PLCB4: variants seen among roughly 807,000 people sequenced by gnomAD.
PLCB4 encodes the protein phospholipase C beta 4.
PLCB4 carries 77 observed loss-of-function variants against 178.8 expected under a neutral mutation model. The observed-to-expected ratio is 0.43, with a 90% CI of 0.36 to 0.52. The LOEUF (loss-of-function observed/expected upper bound fraction) is 0.52, where lower values mean the gene tolerates loss of function less well. Ranked by LOEUF, PLCB4 falls within the 20% of genes least tolerant of loss-of-function variation. The probability of loss-of-function intolerance (pLI) is 0.00; values close to 1 mark genes in which losing one functional copy is unlikely to be tolerated. For missense variants in PLCB4, 1,024 were observed against 1,453.4 expected, an observed-to-expected ratio of 0.70 and a Z score of 4.80; for synonymous variants, 496 against 490.8, an observed-to-expected ratio of 1.01 and a Z score of -0.14.
chr20:9,270,612 T>TA (rs762025605), intron 3 of PLCB4, among the ~76,000 whole-genome samples: 2 of 152,116 alleles, frequency 1.3e-5, no homozygotes, highest in Non-Finnish European at 2.9e-5. Flanking sequence ...CATATATTTT[T>TA]AAAAAATAAC....
At chr20:9,148,535 C>T (rs780085286) in intron 2 of PLCB4, among the ~76,000 whole-genome samples, 27 of 151,974 alleles carry the variant, frequency 1.8e-4, no homozygotes, top group Non-Finnish European at 1.5e-4. Flanking sequence ...TCTCTTCCCT[C>T]GCCCCAAGAA....
chr20:9,280,949 CAAA>C (rs76377634), intron 3 of PLCB4, among the ~76,000 whole-genome samples: 8 of 82,992 alleles, frequency 9.6e-5, no homozygotes, highest in Admixed American at 2.6e-4. Context: ...ACATCTGCTA[CAAA>C]AAAAAAAAAA....
chr20:9,444,072 C>A (rs2042263664), intron 31 of PLCB4, 42 bp downstream of exon 31: 1 of 1,454,110 alleles, frequency 6.9e-7, no homozygotes, highest in Non-Finnish European at 9.6e-7. Flanking sequence ...TTGTATTACA[C>A]ATATTGGTGA....
chr20:9,445,750 C>T (rs560980914), intron 32 of PLCB4, among the ~76,000 whole-genome samples: 3 of 152,268 alleles, frequency 2.0e-5, no homozygotes, highest in Admixed American at 6.5e-5. Context: ...AAAGTAGGGG[C>T]TTCAATGTTG....
intron 3 of PLCB4, among the ~76,000 whole-genome samples, chr20:9,240,793 G>A (rs1569002709): frequency 6.6e-6 from 1 of 152,044 alleles, no homozygotes; most frequent in Non-Finnish European, 1.5e-5. Context: ...TTGATTGGGG[G>A]GTTGGGAGGA....
chr20:9,251,592 G>C (rs540646874), intron 3 of PLCB4, among the ~76,000 whole-genome samples: 13 of 152,252 alleles, frequency 8.5e-5, no homozygotes, highest in Admixed American at 6.5e-4. Flanking sequence ...TTAATTTCAG[G>C]ATGGAAAGAG....
chr20:9,454,603 C>T (rs1393790084), intron 33 of PLCB4, among the ~76,000 whole-genome samples: 4 of 152,094 alleles, frequency 2.6e-5, no homozygotes, highest in Non-Finnish European at 5.9e-5. Flanking sequence ...TTAACAGTCA[C>T]CCAAGATATA....
In PLCB4 at chr20:9,179,598, C is replaced by T. The variant is rs150903817; in HGVS notation, c.-78-37792C>T. 6.1e-3 allele frequency among the ~76,000 whole-genome samples: 927 copies of T among 152,198 alleles called. 7 individuals are homozygous for T. The highest frequency in any genetic ancestry group is 0.021 in the African/African-American group (879 of 41,534). On this transcript the variant is annotated intron_variant, in intron 2 of 39. Transcript: ENST00000378473. ...ATTTTATTACAGGAGCAATAGAAAA[C>T]GAATACAGCAGATTTACCCAGGTTT...
In PLCB4 at chr20:9,307,893, G is replaced by C; in HGVS notation, c.79G>C (p.Glu27Gln). 1 of 1,399,014 alleles carries C rather than the reference G, an allele frequency of 7.1e-7. No individual in the cohort carries two copies. Among genetic ancestry groups the C allele is most frequent in the East Asian group, 2.3e-5 (1 of 43,694 alleles). The allele number at this position is 1,399,014 out of a possible 1,614,324, so 86.7% of individuals were successfully genotyped here. Residue 27 changes from glutamate (E) to glutamine (Q), a missense_variant, in exon 4 of 40, where the codon GAG (glutamate) becomes CAG (glutamine). By Grantham distance (29) the Glu-to-Gln change is conservative (BLOSUM62 2). Around this residue, in one of 7 missense-constraint regions of PLCB4, gnomAD observed 225 missense variants for 291.0 expected, o/e 0.77. Transcript: ENST00000378473. ...AGAAGGAGCAGTTTTTGACAGATAC[G>C]AGGAGGTAAAGAAGTGTTATTAATC... ...LQEGAVFDRY[E>Q]EESFVFEPNC... is the part of the protein sequence containing the mutation.
chr20:9,333,509 A>G (rs1002693525), intron 4 of PLCB4, among the ~76,000 whole-genome samples: 3 of 152,292 alleles, frequency 2.0e-5, no homozygotes, highest in African/African-American at 2.4e-5. Context: ...AGAAGGAAGA[A>G]CAGAGAGTGG....
intron 28 of PLCB4, among the ~76,000 whole-genome samples, chr20:9,433,918 A>G (rs1001778683): frequency 1.3e-5 from 2 of 152,176 alleles, no homozygotes; most frequent in Non-Finnish European, 2.9e-5. Flanking sequence ...GTGGAGTGCA[A>G]TTTGGCAATA....
chr20:9,165,157 A>G (rs1396244999), intron 2 of PLCB4, among the ~76,000 whole-genome samples: 1 of 152,202 alleles, frequency 6.6e-6, no homozygotes, highest in Non-Finnish European at 1.5e-5. Flanking sequence ...CGCTATAGCA[A>G]CTGCCAAGGT....
intron 2 of PLCB4, among the ~76,000 whole-genome samples, chr20:9,110,807 G>A (rs913530466): frequency 4.6e-5 from 7 of 152,014 alleles, no homozygotes; most frequent in African/African-American, 7.2e-5. Flanking sequence ...TTTAGGCATC[G>A]TAAAATACTG....
At chr20:9,229,512 C>T (rs774888247) in intron 3 of PLCB4, among the ~76,000 whole-genome samples, 3 of 151,954 alleles carry the variant, frequency 2.0e-5, no homozygotes, top group Non-Finnish European at 4.4e-5. Context: ...GTGCATGCTG[C>T]AGGGAGAAAT....
intron 3 of PLCB4, among the ~76,000 whole-genome samples, chr20:9,266,050 T>A (rs576138054): frequency 6.6e-6 from 1 of 152,336 alleles, no homozygotes; most frequent in South Asian, 2.1e-4. Context: ...AGAAATCATT[T>A]GCTAAACATA....
chr20:9,423,486 G>A (rs1300628836), intron 27 of PLCB4, among the ~76,000 whole-genome samples: 10 of 152,142 alleles, frequency 6.6e-5, no homozygotes, highest in Admixed American at 5.9e-4. Flanking sequence ...AATCACAAGG[G>A]TTGAAGTGGT....
intron 34 of PLCB4, among the ~76,000 whole-genome samples, chr20:9,457,819 A>T (rs1278552811): frequency 6.6e-6 from 1 of 152,222 alleles, no homozygotes; most frequent in Non-Finnish European, 1.5e-5. Flanking sequence ...ATACTTCCCT[A>T]TAGAAATAAC....
intron 2 of PLCB4, among the ~76,000 whole-genome samples, chr20:9,165,165 G>C (rs916810212): frequency 6.6e-6 from 1 of 152,114 alleles, no homozygotes; most frequent in Non-Finnish European, 1.5e-5. Context: ...CAACTGCCAA[G>C]GTTCAAAACA....
At chr20:9,214,450 A>C (rs753195406) in intron 2 of PLCB4, among the ~76,000 whole-genome samples, 3 of 152,150 alleles carry the variant, frequency 2.0e-5, no homozygotes, top group Non-Finnish European at 4.4e-5. Context: ...TTTTGTTTGC[A>C]TTAACACTGA....
Sources: allele counts gnomAD v4.1 joint callset (sites outside exome capture counted in the v4.1 genomes callset), GRCh38; gene constraint gnomAD v4.1.1; regional missense constraint gnomAD v4.1.1; transcripts MANE v1.5; gene names NCBI Gene and HGNC (gene_info 2026-07-23, HGNC 2026-07-21).